Variants in EGF observed in about 807,000 individuals in gnomAD.
EGF encodes epidermal growth factor, also known as pro-epidermal growth factor.
EGF carries 95 observed loss-of-function variants against 143.8 expected under a neutral mutation model. That is an observed-to-expected ratio of 0.66 (90% CI 0.56 to 0.78). The LOEUF (loss-of-function observed/expected upper bound fraction) is 0.78. Ranked by LOEUF, EGF falls within the 30% of genes least tolerant of loss-of-function variation. EGF has a pLI of 0.00. For synonymous variants in EGF, 510 were observed against 510.5 expected, an observed-to-expected ratio of 1.00 and a Z score of 0.01; for missense variants, 1,320 against 1,470.9, an observed-to-expected ratio of 0.90 and a Z score of 1.68.
intron 23 of EGF, among the ~76,000 whole-genome samples, chr4:110,009,865 T>G (rs1753783650): frequency 6.6e-6 from 1 of 152,214 alleles, no homozygotes; most frequent in Admixed American, 6.5e-5. Flanking sequence ...CTGACATCAG[T>G]TGACACAGGT....
In EGF at chr4:109,994,747, C is replaced by G. The variant is rs147841412; in HGVS notation, c.2872C>G (p.Pro958Ala). ...GLICPDSTPP[P>A]HLREDDHHYS... Reference sequence around the variant, plus strand: ...GGTTCTTTTAGACTCTACTCCACCCCCTCACCTCAGGGAAGATGACCACCA... The same window carrying G: ...GGTTCTTTTAGACTCTACTCCACCCGCTCACCTCAGGGAAGATGACCACCA... The change falls in exon 20 of 24, where the codon CCT becomes GCT. Residue 958 changes from proline to alanine, a missense_variant. Physicochemically the swap from Pro to Ala is conservative, Grantham distance 27. Coordinates refer to ENST00000265171, the MANE Select transcript of EGF (RefSeq NM_001963.6). The G allele has an allele frequency of 3.1e-6, 5 of 1,613,964 alleles. No homozygotes were observed. The highest frequency in any genetic ancestry group is 3.4e-6 in the Non-Finnish European group (4 of 1,180,010).
intron 1 of EGF, among the ~76,000 whole-genome samples, chr4:109,925,151 G>T (rs756691781): frequency 1.6e-4 from 24 of 152,290 alleles, no homozygotes; most frequent in Admixed American, 3.3e-4. Context: ...GATATTATTG[G>T]TGAAACACTT....
chr4:109,943,227 TAAC>T, intron 2 of EGF, 24 bp from the exon 3 acceptor site: 1 of 1,500,820 alleles, frequency 6.7e-7, no homozygotes, highest in Non-Finnish European at 9.1e-7. Flanking sequence ...GAAGTATTAA[TAAC>T]AATTTTAAAA....
At chr4:109,963,033 C>T in intron 8 of EGF, 140 bp from the exon 9 acceptor site, 1 of 1,030,164 alleles carries the variant, frequency 9.7e-7, no homozygotes, top group African/African-American at 1.6e-5. Context: ...CCATTGCACT[C>T]CAGCCTGGGT....
chr4:109,916,878 A>G (rs1736752575), intron 1 of EGF, among the ~76,000 whole-genome samples: 1 of 152,222 alleles, frequency 6.6e-6, no homozygotes, highest in African/African-American at 2.4e-5. Context: ...TAATAGTTCT[A>G]CAACATTAAA....
chr4:109,954,272 C>A (rs1040926039), intron 5 of EGF, among the ~76,000 whole-genome samples: 2 of 151,990 alleles, frequency 1.3e-5, no homozygotes, highest in Non-Finnish European at 2.9e-5. Context: ...GGCTAGTCTC[C>A]AACTCCTGGC....
chr4:109,993,114 A>C, intron 18 of EGF, 133 bp from the exon 19 acceptor site: 1 of 935,858 alleles, frequency 1.1e-6, no homozygotes, highest in East Asian at 3.7e-5. Flanking sequence ...ATATATTAAA[A>C]AAATATATAG....
intron 1 of EGF, among the ~76,000 whole-genome samples, chr4:109,938,450 G>A (rs1016925213): frequency 2.0e-5 from 3 of 152,100 alleles, no homozygotes; most frequent in African/African-American, 7.2e-5. Context: ...TCCTTGCGAT[G>A]GGTTAGAACA....
At chr4:110,001,970 C>G in intron 21 of EGF, 1 of 985,396 alleles carries the variant, frequency 1.0e-6, no homozygotes, top group Non-Finnish European at 1.2e-6. Context: ...ACTACGTTTG[C>G]ACTATAGATC....
intron 5 of EGF, among the ~76,000 whole-genome samples, chr4:109,947,442 T>C (rs1372944828): frequency 6.6e-6 from 1 of 151,980 alleles, no homozygotes; most frequent in Admixed American, 6.6e-5. Flanking sequence ...TGGCACAATC[T>C]CACTTGAATT....
At chr4:109,926,856 G>A (rs1262269511) in intron 1 of EGF, among the ~76,000 whole-genome samples, 1 of 152,184 alleles carries the variant, frequency 6.6e-6, no homozygotes, top group East Asian at 1.9e-4. Context: ...ATTTGTGTAG[G>A]AAGAGAGCAG....
At chr4:109,943,001 G>C (rs374751204) in intron 2 of EGF, among the ~76,000 whole-genome samples, 1 of 152,138 alleles carries the variant, frequency 6.6e-6, no homozygotes, top group East Asian at 1.9e-4. Context: ...AATTTAAATA[G>C]TGTGTAGGAT....
intron 7 of EGF, 114 bp downstream of exon 7, chr4:109,961,103 C>A: frequency 8.1e-7 from 1 of 1,227,916 alleles, no homozygotes; most frequent in Non-Finnish European, 1.2e-6. Context: ...ATCATAATTA[C>A]CTTTGAGTTT....
At position 110,011,165 on chromosome 4, in the gene EGF, G is replaced by T. The variant is rs145180347; in HGVS notation, c.3371-37G>T. 186 of 1,610,496 alleles carry T rather than the reference G, an allele frequency of 1.2e-4. No individual in the cohort carries two copies. In the African/African-American group the frequency reaches 2.3e-3, roughly 20 times the overall value. ...TCTGTCTTGCCTATCTATTGTTAAT[G>T]ATATGAATATTGAAATTTCTTTTGT... is the stretch of plus-strand genomic sequence containing the variant. On this transcript the variant is annotated intron_variant, in intron 23 of 23. Coordinates refer to ENST00000265171, the MANE Select transcript of EGF (RefSeq NM_001963.6).
At chr4:109,914,591 T>A (rs1314939673) in intron 1 of EGF, among the ~76,000 whole-genome samples, 1 of 152,148 alleles carries the variant, frequency 6.6e-6, no homozygotes, top group Non-Finnish European at 1.5e-5. Flanking sequence ...TCTAGGGTAT[T>A]TGAAATAAAG....
chr4:109,961,057 A>G, intron 7 of EGF, 68 bp downstream of exon 7: 4 of 1,574,368 alleles, frequency 2.5e-6, no homozygotes, highest in African/African-American at 1.3e-5. Context: ...TAAGGTGGCT[A>G]TGATCTGGGT....
chr4:110,004,407 T>C (rs1752984288), intron 21 of EGF, 98 bp from the exon 22 acceptor site: 1 of 1,004,300 alleles, frequency 1.0e-6, no homozygotes, highest in Non-Finnish European at 1.6e-6. Flanking sequence ...GTACTTAAAT[T>C]TTAGTAGCAA....
intron 1 of EGF, among the ~76,000 whole-genome samples, chr4:109,923,134 T>G (rs1284483064): frequency 1.3e-5 from 2 of 151,468 alleles, no homozygotes; most frequent in East Asian, 3.8e-4. Context: ...TCTTGCTATT[T>G]GTTACATATG....
intron 23 of EGF, among the ~76,000 whole-genome samples, chr4:110,010,945 G>T (rs1253119685): frequency 6.6e-6 from 1 of 152,038 alleles, no homozygotes; most frequent in Non-Finnish European, 1.5e-5. Context: ...GGAGGCTGAG[G>T]TGGAAGGATC....
Sources: allele counts gnomAD v4.1 joint callset (sites outside exome capture counted in the v4.1 genomes callset), GRCh38; gene constraint gnomAD v4.1.1; transcripts MANE v1.5; gene names NCBI Gene and HGNC (gene_info 2026-07-23, HGNC 2026-07-21).